Variants in THSD7B observed in about 807,000 individuals in gnomAD.
THSD7B encodes the protein thrombospondin type-1 domain-containing protein 7B.
THSD7B carries 138 observed loss-of-function variants against 213.6 expected under a neutral mutation model. That is an observed-to-expected ratio of 0.65 (90% confidence interval 0.56 to 0.74). The LOEUF (loss-of-function observed/expected upper bound fraction) is 0.74, where lower values mean the gene tolerates loss of function less well. Among genes scored for constraint, THSD7B ranks in the 30% least tolerant of loss-of-function variants. The probability of loss-of-function intolerance (pLI) is 0.00; values close to 1 mark genes in which losing one functional copy is unlikely to be tolerated. For missense variants in THSD7B, 1,931 were observed against 1,991.5 expected, an observed-to-expected ratio of 0.97 and a Z score of 0.58; for synonymous variants, 742 against 687.0, an observed-to-expected ratio of 1.08 and a Z score of -1.25.
intron 4 of THSD7B, among the ~76,000 whole-genome samples, chr2:137,106,237 T>C (rs946691318): frequency 6.6e-6 from 1 of 152,048 alleles, no homozygotes; most frequent in Non-Finnish European, 1.5e-5. Context: ...TCAGAAGTAA[T>C]GCCACACATC....
At chr2:137,393,246 G>T (rs1177793107) in intron 12 of THSD7B, among the ~76,000 whole-genome samples, 10 of 150,652 alleles carry the variant, frequency 6.6e-5, no homozygotes, top group African/African-American at 2.4e-4. Flanking sequence ...TGCCATGCTG[G>T]TGCACTGCAC....
intron 1 of THSD7B, among the ~76,000 whole-genome samples, chr2:136,854,588 A>G (rs1007140426): frequency 2.0e-5 from 3 of 151,674 alleles, no homozygotes; most frequent in African/African-American, 7.3e-5. Flanking sequence ...ACTGTCCTCC[A>G]TTGTCCTGCT....
chr2:137,314,118 A>C (rs1368246311), intron 12 of THSD7B, among the ~76,000 whole-genome samples: 4 of 152,024 alleles, frequency 2.6e-5, no homozygotes, highest in Non-Finnish European at 4.4e-5. Flanking sequence ...ACTTGGTTCC[A>C]TTCTCCCCAT....
At chr2:137,014,944 C>T (rs1301504654) in intron 2 of THSD7B, among the ~76,000 whole-genome samples, 1 of 152,128 alleles carries the variant, frequency 6.6e-6, no homozygotes, top group African/African-American at 2.4e-5. Flanking sequence ...CTGCCTCTGT[C>T]TCAGTGTCAT....
intron 17 of THSD7B, among the ~76,000 whole-genome samples, chr2:137,584,959 C>G (rs1044760515): frequency 6.6e-6 from 1 of 152,116 alleles, no homozygotes; most frequent in Non-Finnish European, 1.5e-5. Flanking sequence ...GTGAATCCGT[C>G]TGGTCCTGGA....
chr2:137,444,171 T>C (rs1455323351), intron 14 of THSD7B, among the ~76,000 whole-genome samples: 2 of 151,976 alleles, frequency 1.3e-5, no homozygotes. Flanking sequence ...CTAAACAAGG[T>C]TGGAAGCATC....
At chr2:137,293,255 C>A (rs1378322097) in intron 12 of THSD7B, among the ~76,000 whole-genome samples, 2 of 152,006 alleles carry the variant, frequency 1.3e-5, no homozygotes, top group Admixed American at 1.3e-4. Context: ...TCTTTCACCT[C>A]AGCCTCCCAA....
intron 2 of THSD7B, among the ~76,000 whole-genome samples, chr2:136,971,367 C>T (rs1270315948): frequency 2.0e-5 from 3 of 151,842 alleles, no homozygotes; most frequent in African/African-American, 4.8e-5. Context: ...CTCTCAGAAG[C>T]GACACAGGTA....
At chr2:137,380,523 CTT>C (rs1408133417) in intron 12 of THSD7B, among the ~76,000 whole-genome samples, 1 of 152,130 alleles carries the variant, frequency 6.6e-6, no homozygotes, top group African/African-American at 2.4e-5. Context: ...ATGGAAGTGA[CTT>C]TATAGAAGCA....
At chr2:137,515,164 A>T (rs1346431238) in intron 15 of THSD7B, among the ~76,000 whole-genome samples, 2 of 152,188 alleles carry the variant, frequency 1.3e-5, no homozygotes. Flanking sequence ...GGACCCTGCG[A>T]CTTGGAATGG....
intron 21 of THSD7B, among the ~76,000 whole-genome samples, chr2:137,648,080 T>G (rs540849656): frequency 2.5e-4 from 38 of 152,320 alleles, no homozygotes; most frequent in Admixed American, 2.1e-3. Flanking sequence ...AAATTTTATT[T>G]TTTATTTTAG....
intron 7 of THSD7B, among the ~76,000 whole-genome samples, chr2:137,178,152 T>G (rs1680393351): frequency 6.6e-6 from 1 of 151,576 alleles, no homozygotes; most frequent in Admixed American, 6.6e-5. Flanking sequence ...ATTCTTGAAA[T>G]TCTTGAAATA....
At chr2:136,844,574 G>A (rs1682976436) in intron 1 of THSD7B, among the ~76,000 whole-genome samples, 1 of 151,942 alleles carries the variant, frequency 6.6e-6, no homozygotes, top group Admixed American at 6.6e-5. Flanking sequence ...ACCAAGCCTA[G>A]CAAGGGAATT....
intron 27 of THSD7B, among the ~76,000 whole-genome samples, chr2:137,673,770 T>A (rs1683632828): frequency 6.6e-6 from 1 of 152,150 alleles, no homozygotes; most frequent in African/African-American, 2.4e-5. Context: ...CCATGTTCAG[T>A]GGTCCAGAGA....
rs143836290 is a variant in THSD7B, at chr2:137,546,847, T to C, written c.3139-16374T>C. Among the ~76,000 whole-genome samples, 232 of 151,970 alleles carry C rather than the reference T, an allele frequency of 1.5e-3. 5 individuals are homozygous for C. In the Middle Eastern group the frequency reaches 0.031, roughly 20 times the overall value. On this transcript the variant is annotated intron_variant, in intron 15 of 27. Coordinates refer to ENST00000409968, the MANE Select transcript of THSD7B (RefSeq NM_001316349.2). Reference sequence around the variant, plus strand: ...AGCTGCTCTTGTTACAAGTGGCTTCTACCTTACCAACAGTAGTCTTTCCTT... The same window carrying C: ...AGCTGCTCTTGTTACAAGTGGCTTCCACCTTACCAACAGTAGTCTTTCCTT...
intron 19 of THSD7B, among the ~76,000 whole-genome samples, 191 bp downstream of exon 19, chr2:137,618,698 AAGGTC>A (rs1682456661): frequency 6.6e-6 from 1 of 152,196 alleles, no homozygotes; most frequent in Non-Finnish European, 1.5e-5. Context: ...ATGACTGGGA[AAGGTC>A]ATTTTTGTAG....
At chr2:137,477,832 A>G (rs535345960) in intron 15 of THSD7B, among the ~76,000 whole-genome samples, 1 of 151,612 alleles carries the variant, frequency 6.6e-6, no homozygotes, top group Non-Finnish European at 1.5e-5. Flanking sequence ...TCCTTCATTT[A>G]TGAAGGGTAA....
chr2:137,305,507 T>C (rs1234268603), intron 12 of THSD7B, among the ~76,000 whole-genome samples: 1 of 152,126 alleles, frequency 6.6e-6, no homozygotes, highest in African/African-American at 2.4e-5. Context: ...GAAGGGTATC[T>C]TGAATAAGCT....
In THSD7B at chr2:137,510,238, C is replaced by A. The variant is rs192247309; in HGVS notation, c.3139-52983C>A. On this transcript the variant is annotated intron_variant, in intron 15 of 27. Transcript: ENST00000409968. ...CGATGAATTTTAATAGCCATTTTAC[C>A]CCCCTAGTTAAGTTTCAGCTATATT... Among the ~76,000 whole-genome samples, 655 of 151,566 alleles carry A rather than the reference C, an allele frequency of 4.3e-3. 3 individuals carry two copies. The highest frequency in any genetic ancestry group is 0.014 in the Middle Eastern group (4 of 288).
Sources: allele counts gnomAD v4.1 joint callset (sites outside exome capture counted in the v4.1 genomes callset), GRCh38; gene constraint gnomAD v4.1.1; transcripts MANE v1.5; gene names NCBI Gene and HGNC (gene_info 2026-07-23, HGNC 2026-07-21).